PLA2G4D: variants seen among roughly 807,000 people sequenced by gnomAD.
PLA2G4D encodes phospholipase A2 group IVD.
PLA2G4D carries 80 observed loss-of-function variants against 94.4 expected under a neutral mutation model. The observed-to-expected ratio is 0.85, with a 90% confidence interval of 0.71 to 1.02. The LOEUF is 1.02. Among genes scored for constraint, PLA2G4D ranks in the 50% least tolerant of loss-of-function variants. PLA2G4D has a pLI of 0.00. For synonymous variants in PLA2G4D, 438 were observed against 440.9 expected (o/e 0.99, Z 0.08); for missense variants, 1,050 against 1,034.7 (o/e 1.01, Z -0.20).
chr15:42,087,748 A>T, intron 1 of PLA2G4D, 48 bp from the exon 2 acceptor site: 1 of 1,578,806 alleles, frequency 6.3e-7, no homozygotes, highest in South Asian at 1.1e-5. Flanking sequence ...TCCCTCCCTT[A>T]TGCCTGGAGC....
intron 9 of PLA2G4D, 95 bp from the exon 10 acceptor site, chr15:42,081,929 T>TC: frequency 1.7e-6 from 1 of 595,612 alleles, no homozygotes. Flanking sequence ...TCTTCATTCT[T>TC]TTTTTTTTTT....
In PLA2G4D at chr15:42,087,434, T is replaced by C. The variant is rs370880508; in HGVS notation, c.121A>G (p.Ser41Gly). 11 of 1,613,906 alleles carry C rather than the reference T, an allele frequency of 6.8e-6. No individual in the cohort carries two copies. Among genetic ancestry groups the C allele is most frequent in the Non-Finnish European group, 9.3e-6 (11 of 1,179,984 alleles). Reference sequence around the variant, plus strand: ...AGGATCACGTAAGGGTCGGCCTCACTCACTGCCAAGGTTAAGGAAGTCTTC... The same window carrying C: ...AGGATCACGTAAGGGTCGGCCTCACCCACTGCCAAGGTTAAGGAAGTCTTC... ...ARNLRWADLL[S>G]EADPYVILQL... is the part of the protein sequence containing the mutation. The change falls in exon 3 of 20, where the codon AGT becomes GGT. Residue 41 changes from serine (S) to glycine (G), a missense_variant and splice_region_variant. By Grantham distance (56) the Ser-to-Gly change is moderately conservative. Coordinates refer to ENST00000290472, the MANE Select transcript of PLA2G4D (RefSeq NM_178034.4).
chr15:42,067,555 A>G lies in PLA2G4D; in HGVS notation c.*1160T>C, dbSNP rs945318112. ...TGAGATTCTGTCTCAAAAAAAAAAA[A>G]AAAGAAAGAAAAAGAAAAAGAAATG... is the stretch of plus-strand genomic sequence containing the variant. On this transcript the variant is annotated 3_prime_UTR_variant, in exon 20 of 20. Transcript: ENST00000290472. 5.3e-5 allele frequency: 8 copies of G among 151,752 alleles called. No homozygotes were observed. Among genetic ancestry groups the G allele is most frequent in the East Asian group, 1.9e-4 (1 of 5,184 alleles). 9.4% of individuals were successfully genotyped at this position (151,752 alleles called of 1,614,324 possible).
At position 42,071,822 on chromosome 15, in the gene PLA2G4D, C is replaced by G; in HGVS notation, c.1525G>C (p.Gly509Arg). The change falls in exon 15 of 20, where the codon GGA (glycine) becomes CGA (arginine). Residue 509 changes from glycine to arginine, a missense_variant. Gly to Arg is a moderately radical substitution (Grantham distance 125). Coordinates refer to ENST00000290472, the MANE Select transcript of PLA2G4D (RefSeq NM_178034.4). ...TCCGGGATCCTCCTCATCAGCCGTC[C>G]CATGAAGAACTCGGAGCCGAAGAGC... is the stretch of plus-strand genomic sequence containing the variant. ...PELFGSEFFM[G>R]RLMRRIPEPR... is the part of the protein sequence containing the mutation. 2 of 1,614,198 alleles carry G rather than the reference C, an allele frequency of 1.2e-6. No individual in the cohort carries two copies. Among genetic ancestry groups the G allele is most frequent in the Non-Finnish European group, 1.7e-6 (2 of 1,180,022 alleles).
At chr15:42,069,825 C>G in intron 19 of PLA2G4D, 84 bp downstream of exon 19, 1 of 1,200,242 alleles carries the variant, frequency 8.3e-7, no homozygotes, top group African/African-American at 1.6e-5. Flanking sequence ...ACTCATTTCC[C>G]TTCCCTCTGC....
At chr15:42,093,743 C>T (rs954356914) in intron 1 of PLA2G4D, among the ~76,000 whole-genome samples, 2 of 152,202 alleles carry the variant, frequency 1.3e-5, no homozygotes, top group African/African-American at 4.8e-5. Flanking sequence ...AGAAGCCCAG[C>T]GAGGTCTGCA....
At chr15:42,072,080 C>T (rs1278642830) in intron 14 of PLA2G4D, among the ~76,000 whole-genome samples, 169 bp from the exon 15 acceptor site, 1 of 152,162 alleles carries the variant, frequency 6.6e-6, no homozygotes, top group Non-Finnish European at 1.5e-5. Flanking sequence ...CACACCCCTC[C>T]CAGCCCTTGG....
chr15:42,094,302 G>A (rs948217736), intron 1 of PLA2G4D, 113 bp downstream of exon 1: 12 of 1,238,844 alleles, frequency 9.7e-6, no homozygotes, highest in East Asian at 2.5e-5. Flanking sequence ...AGACTCCCTC[G>A]CCCTCTGGCC....
chr15:42,070,014 G>A lies in PLA2G4D; in HGVS notation c.2125C>T (p.Gln709Ter), dbSNP rs564897115. 1.3e-6 allele frequency: 2 copies of A among 1,506,496 alleles called. No individual in the cohort carries two copies. The highest frequency in any genetic ancestry group is 2.4e-5 in the Admixed American group (1 of 42,444). The allele number at this position is 1,506,496 out of a possible 1,614,324, so 93.3% of individuals were successfully genotyped here. A position where few individuals can be genotyped will look rare whatever the true frequency, so the allele number is the denominator to read the frequency against. The change falls in exon 19 of 20, where the codon CAG (glutamine) becomes TAG (stop). Residue 709 changes from glutamine (Q) to a stop codon, truncating the protein, a stop_gained. Transcript: ENST00000290472. LOFTEE classifies it high-confidence loss of function. ...RVEPSPQDQH[Q>*]PRECHLFSDP... ...GAGAAGAGGTGGCATTCCCTTGGCT[G>A]GTGCTGGTCCTGAGGGCTGGGTTCC...
chr15:42,088,529 C>T (rs534289615), intron 1 of PLA2G4D, among the ~76,000 whole-genome samples: 1 of 152,304 alleles, frequency 6.6e-6, no homozygotes, highest in South Asian at 2.1e-4. Context: ...ATCAGGAGGG[C>T]CCTGGAGTTT....
At chr15:42,075,539 T>C (rs1044748282) in intron 13 of PLA2G4D, among the ~76,000 whole-genome samples, 1 of 152,184 alleles carries the variant, frequency 6.6e-6, no homozygotes, top group Non-Finnish European at 1.5e-5. Context: ...GCCATTTCAA[T>C]AAAAATCCCA....
Position 42,071,459 on chromosome 15 carries a change from T to G in PLA2G4D, c.1666A>C (p.Lys556Gln), listed in dbSNP as rs760609057. 2.5e-6 allele frequency: 4 copies of G among 1,613,280 alleles called. No individual in the cohort carries two copies. The Admixed American group carries it at 6.7e-5, about 27-fold the overall frequency. ...GESWKQHIKD[K>Q]TRSLEKEPLT... ...CCCTTCCCACCTAAGCTCCTGGTCTTGTCCTTGATGTGCTGTTTCCAGGAC... is the reference window on the plus strand; with the variant it reads ...CCCTTCCCACCTAAGCTCCTGGTCTGGTCCTTGATGTGCTGTTTCCAGGAC... Residue 556 changes from lysine (K) to glutamine (Q), a missense_variant, in exon 16 of 20, where the codon AAG becomes CAG. Physicochemically the swap from Lys to Gln is moderately conservative, Grantham distance 53. Coordinates refer to ENST00000290472, the MANE Select transcript of PLA2G4D (RefSeq NM_178034.4).
At position 42,072,397 on chromosome 15, in the gene PLA2G4D, G is replaced by A. The variant is rs375724751; in HGVS notation, c.1318-5C>T. 27 of 1,609,398 alleles carry A rather than the reference G, an allele frequency of 1.7e-5. No homozygotes were observed. Among genetic ancestry groups the A allele is most frequent in the Non-Finnish European group, 2.2e-5 (26 of 1,177,428 alleles). On this transcript the variant is annotated splice_polypyrimidine_tract_variant and splice_region_variant and intron_variant, in intron 13 of 19. Coordinates refer to ENST00000290472, the MANE Select transcript of PLA2G4D (RefSeq NM_178034.4). ...TGACAGCTTCTGATCCATCACCTGG[G>A]GCCAGAGGGCATCAGGGCCTAAGTG...
rs1167970925 is a variant in PLA2G4D at position 42,084,727 on chromosome 15, G to T, written c.471+369C>A. Among the ~76,000 whole-genome samples, 1 of 152,160 alleles carries T rather than the reference G, an allele frequency of 6.6e-6. No homozygotes were observed. On this transcript the variant is annotated intron_variant, in intron 6 of 19. Coordinates refer to ENST00000290472, the MANE Select transcript of PLA2G4D (RefSeq NM_178034.4). This position sits in a 1 kb window ranked among gnomAD's most constrained non-coding sequence, Gnocchi z 4.8. ...CCCTCTGAGCCTCGGTGACCTCAAC[G>T]TGAACAACCGGAAGGTGGGCCTGGC...
rs1889806122 is a variant in PLA2G4D at position 42,071,218 on chromosome 15, G to C, written c.1781C>G (p.Thr594Arg). Reference protein sequence around the residue: ...ALAQAFKGFLTGRPLHQRSPN... With the variant: ...ALAQAFKGFLRGRPLHQRSPN... The stretch of plus-strand genomic sequence containing the variant: ...GCTGCGCTGGTGGAGGGGCCTGCCT[G>C]TCAGGAAGCCTTTAAATGCCTGGGC... Residue 594 changes from threonine to arginine, a missense_variant, in exon 17 of 20, where the codon ACA (threonine) becomes AGA (arginine). Transcript: ENST00000290472. 3 of 1,613,330 alleles carry C rather than the reference G, an allele frequency of 1.9e-6. No individual in the cohort carries two copies. Among genetic ancestry groups the C allele is most frequent in the African/African-American group, 2.7e-5 (2 of 74,960 alleles).
chr15:42,080,865 G>A lies in PLA2G4D; in HGVS notation c.1094+132C>T, dbSNP rs573561907. 108 of 1,240,264 alleles carry A rather than the reference G, an allele frequency of 8.7e-5. No individual in the cohort carries two copies. The African/African-American group carries it at 1.5e-3, about 17-fold the overall frequency. 76.8% of individuals were successfully genotyped at this position (1,240,264 alleles called of 1,614,324 possible). A position where few individuals can be genotyped will look rare whatever the true frequency, so the allele number is the denominator to read the frequency against. On this transcript the variant is annotated intron_variant, in intron 12 of 19. Transcript: ENST00000290472. ...CGTCTGTTTCCTTCCTTGTGGGAAA[G>A]CTGCTTGGCGCCCATCAGATCACAA...
At position 42,084,051 on chromosome 15, in the gene PLA2G4D, C is replaced by T; in HGVS notation, c.472-272G>A. The T allele has an allele frequency of 2.1e-6, 1 of 465,886 alleles. No homozygotes were observed. Among genetic ancestry groups the T allele is most frequent in the South Asian group, 3.1e-5 (1 of 32,350 alleles). 28.9% of individuals were successfully genotyped at this position (465,886 alleles called of 1,614,324 possible). On this transcript the variant is annotated intron_variant, in intron 6 of 19. Coordinates refer to ENST00000290472, the MANE Select transcript of PLA2G4D (RefSeq NM_178034.4). This position sits in a 1 kb window ranked among gnomAD's most constrained non-coding sequence, Gnocchi z 4.8. The stretch of plus-strand genomic sequence containing the variant: ...CAAACTCCCGAAACCTCCTAGAGCG[C>T]CCAGCCCTCAGACACAGCTGTTTCT...
At position 42,086,194 on chromosome 15, in the gene PLA2G4D, T is replaced by TGGGGGGGGGGGCCCCCC; in HGVS notation, c.387+18_387+19insGGGGGGCCCCCCCCCCC. 7.3e-7 allele frequency: 1 copy of TGGGGGGGGGGGCCCCCC among 1,370,444 alleles called. No homozygotes were observed. Among genetic ancestry groups the TGGGGGGGGGGGCCCCCC allele is most frequent in the Non-Finnish European group, 9.6e-7 (1 of 1,043,084 alleles). 84.9% of individuals were successfully genotyped at this position (1,370,444 alleles called of 1,614,324 possible). On this transcript the variant is annotated intron_variant, in intron 4 of 19. Transcript: ENST00000290472. The stretch of plus-strand genomic sequence containing the variant: ...GGAAGAAGTGGGGCCCACGGGGACT[T>TGGGGGGGGGGGCCCCCC]CCCCACCCACCCACCCACCTGGGGA...
chr15:42,071,689 T>C (rs1712402), intron 15 of PLA2G4D, 85 bp downstream of exon 15: 272,838 of 1,490,578 alleles, frequency 0.18, 26,966 homozygotes, highest in South Asian at 0.31. Context: ...GTCCTGAGGT[T>C]CTGCCCCACC....
Sources: gnomAD v4.1 joint callset for allele counts (sites outside exome capture counted in the v4.1 genomes callset) on GRCh38, gnomAD v4.1.1 for gene constraint, Gnocchi (gnomAD v3.1) non-coding constraint, MANE v1.5 for transcripts, NCBI Gene and HGNC (gene_info 2026-07-23, HGNC 2026-07-21) for gene names.